BAALC: variants seen among roughly 807,000 people sequenced by gnomAD.
BAALC encodes BAALC binder of MAP3K1 and KLF4.
BAALC carries 9 observed loss-of-function variants against 15.5 expected under a neutral mutation model. The observed-to-expected ratio is 0.58, with a 90% CI of 0.35 to 1.02. The LOEUF is 1.02. BAALC is among the 50% of genes least tolerant of loss of function. The pLI is 0.02. For missense variants in BAALC, 201 were observed against 192.4 expected (o/e 1.04, Z -0.27); for synonymous variants, 80 against 74.6 (o/e 1.07, Z -0.37).
intron 1 of BAALC, among the ~76,000 whole-genome samples, chr8:103,148,348 C>T (rs186827960): frequency 1.5e-3 from 223 of 152,296 alleles, no homozygotes; most frequent in African/African-American, 5.2e-3. Context: ...TCCCTCAGGG[C>T]CTCCAGAAGG....
chr8:103,185,965 A>G (rs1419571489), intron 1 of BAALC, among the ~76,000 whole-genome samples: 1 of 152,048 alleles, frequency 6.6e-6, no homozygotes, highest in African/African-American at 2.4e-5. Context: ...ATGAAACATT[A>G]TTTGTCTTCT....
chr8:103,198,079 C>T (rs748598164), intron 1 of BAALC: 1 of 692,726 alleles, frequency 1.4e-6, no homozygotes, highest in African/African-American at 1.8e-5. Flanking sequence ...TAATTTTTTT[C>T]CATCTACATG....
chr8:103,152,078 T>C (rs1220968656), intron 1 of BAALC, among the ~76,000 whole-genome samples: 1 of 152,122 alleles, frequency 6.6e-6, no homozygotes, highest in Non-Finnish European at 1.5e-5. Context: ...TCATTCTTCA[T>C]GTCATAGGCA....
At chr8:103,214,339 G>T (rs1812512775) in intron 2 of BAALC, among the ~76,000 whole-genome samples, 1 of 152,202 alleles carries the variant, frequency 6.6e-6, no homozygotes. Flanking sequence ...TATGTAGTCT[G>T]TAACAAAGCT....
chr8:103,229,624 T>C lies in BAALC; in HGVS notation c.*1525T>C, dbSNP rs942972930. The C allele has an allele frequency of 6.6e-6, 1 of 152,194 alleles. No individual in the cohort carries two copies. The highest frequency in any genetic ancestry group is 2.4e-5 in the African/African-American group (1 of 41,442). 9.4% of individuals were successfully genotyped at this position (152,194 alleles called of 1,614,324 possible). ...TATCCTGAATCTAACAGTGACTTCATAACTAGGAGACTGAATTAGACCCTT... is the reference window on the plus strand; with the variant it reads ...TATCCTGAATCTAACAGTGACTTCACAACTAGGAGACTGAATTAGACCCTT... On this transcript the variant is annotated 3_prime_UTR_variant, in exon 3 of 3. Coordinates refer to ENST00000309982, the MANE Select transcript of BAALC (RefSeq NM_024812.3).
chr8:103,193,488 C>T (rs1247814649), intron 1 of BAALC, among the ~76,000 whole-genome samples: 2 of 152,178 alleles, frequency 1.3e-5, no homozygotes, highest in Non-Finnish European at 2.9e-5. Flanking sequence ...CAGCCTTTTG[C>T]ACATTGTTGT....
intron 1 of BAALC, among the ~76,000 whole-genome samples, chr8:103,179,065 G>A (rs963970407): frequency 6.6e-6 from 1 of 152,070 alleles, no homozygotes; most frequent in Non-Finnish European, 1.5e-5. Flanking sequence ...AGTCTTTGGG[G>A]TTCTCTTCTC....
chr8:103,186,774 G>C (rs1423995587), intron 1 of BAALC, among the ~76,000 whole-genome samples: 3 of 152,312 alleles, frequency 2.0e-5, no homozygotes, highest in East Asian at 3.9e-4. Context: ...GTGGCTATAA[G>C]TAAATGAACT....
intron 1 of BAALC, among the ~76,000 whole-genome samples, chr8:103,170,445 G>T (rs912870157): frequency 1.3e-5 from 2 of 152,110 alleles, no homozygotes; most frequent in Non-Finnish European, 2.9e-5. Flanking sequence ...ATGATATTAA[G>T]GTGAACCTTA....
chr8:103,171,487 C>T (rs990244738), intron 1 of BAALC, among the ~76,000 whole-genome samples: 2 of 152,036 alleles, frequency 1.3e-5, no homozygotes, highest in African/African-American at 4.8e-5. Flanking sequence ...AAGAGGGAGT[C>T]CAAATATATC....
At chr8:103,175,749 G>C (rs1223307626) in intron 1 of BAALC, among the ~76,000 whole-genome samples, 2 of 152,194 alleles carry the variant, frequency 1.3e-5, no homozygotes, top group Non-Finnish European at 2.9e-5. Context: ...CGAACCCCAA[G>C]GTGGCTTTTG....
intron 1 of BAALC, among the ~76,000 whole-genome samples, chr8:103,150,855 G>A (rs1399286274): frequency 3.9e-5 from 6 of 151,942 alleles, no homozygotes; most frequent in African/African-American, 1.2e-4. Context: ...GGCCAGATCC[G>A]GTCTCTGTTT....
At chr8:103,162,728 G>C (rs948664019) in intron 1 of BAALC, among the ~76,000 whole-genome samples, 1 of 146,756 alleles carries the variant, frequency 6.8e-6, no homozygotes, top group Non-Finnish European at 1.5e-5. Context: ...ATGGAGGAAT[G>C]GCAAGTTTCT....
chr8:103,158,130 C>G (rs187300145), intron 1 of BAALC, among the ~76,000 whole-genome samples: 29 of 152,238 alleles, frequency 1.9e-4, no homozygotes, highest in Admixed American at 1.8e-3. Flanking sequence ...TTATAGGTTT[C>G]CCATTTCCTC....
chr8:103,152,629 G>A lies in BAALC; in HGVS notation c.160+11572G>A, dbSNP rs114661906. On this transcript the variant is annotated intron_variant, in intron 1 of 2. Coordinates refer to ENST00000309982, the MANE Select transcript of BAALC (RefSeq NM_024812.3). ...AGTGCCCAGCACAGAGTAGGCACTC[G>A]GTGGATGTTTGTTGAATGAAGGGAA... is the stretch of plus-strand genomic sequence containing the variant. Among the ~76,000 whole-genome samples, 495 of 152,334 alleles carry A rather than the reference G, an allele frequency of 3.2e-3. 6 individuals carry two copies. The highest frequency in any genetic ancestry group is 0.011 in the African/African-American group (473 of 41,574).
At chr8:103,169,689 G>A (rs1339843018) in intron 1 of BAALC, among the ~76,000 whole-genome samples, 1 of 152,216 alleles carries the variant, frequency 6.6e-6, no homozygotes, top group Admixed American at 6.5e-5. Flanking sequence ...CTGAGTAGGG[G>A]AAGAAGCCTG....
intron 1 of BAALC, chr8:103,157,153 A>G (rs901611303): frequency 2.0e-5 from 3 of 150,058 alleles, no homozygotes; most frequent in Non-Finnish European, 4.5e-5. Flanking sequence ...CACACACACC[A>G]CACACAAATG....
intron 1 of BAALC, among the ~76,000 whole-genome samples, chr8:103,152,288 G>A (rs1384468941): frequency 6.6e-6 from 1 of 151,950 alleles, no homozygotes; most frequent in Non-Finnish European, 1.5e-5. Flanking sequence ...GCGTGTTCCG[G>A]CCACGCTTGA....
chr8:103,215,871 A>G (rs1283803439), intron 2 of BAALC, among the ~76,000 whole-genome samples: 1 of 152,252 alleles, frequency 6.6e-6, no homozygotes, highest in East Asian at 1.9e-4. Context: ...CATAACTTCA[A>G]TGAATTCTTA....
Sources: gnomAD v4.1 joint callset for allele counts (sites outside exome capture counted in the v4.1 genomes callset) on GRCh38, gnomAD v4.1.1 for gene constraint, MANE v1.5 for transcripts, NCBI Gene and HGNC (gene_info 2026-07-23, HGNC 2026-07-21) for gene names.